Variants in ARID4A observed in about 807,000 individuals in gnomAD.
ARID4A encodes the protein AT-rich interactive domain-containing protein 4A.
A neutral mutation model predicts 148.6 loss-of-function variants in ARID4A; 39 were observed. That is an observed-to-expected ratio of 0.26 (90% CI 0.20 to 0.34). ARID4A has a LOEUF of 0.34. Ranked by LOEUF, ARID4A falls within the 10% of genes least tolerant of loss-of-function variation. ARID4A has a pLI of 1.00. For synonymous variants in ARID4A, 475 were observed against 481.2 expected (o/e 0.99, Z 0.17); for missense variants, 1,265 against 1,449.1 (o/e 0.87, Z 2.06).
At chr14:58,317,296 T>A (rs140444660) in intron 5 of ARID4A, among the ~76,000 whole-genome samples, 1,538 of 150,336 alleles carry the variant, frequency 0.01, 22 homozygotes, top group African/African-American at 0.034. Flanking sequence ...TTTTATTTTT[T>A]TTTTTTGGGA....
intron 11 of ARID4A, among the ~76,000 whole-genome samples, chr14:58,334,972 T>TA (rs1566694081): frequency 6.6e-6 from 1 of 152,176 alleles, no homozygotes; most frequent in East Asian, 1.9e-4. Context: ...CCAGAATGCT[T>TA]AGAGTTACAT....
At chr14:58,362,073 C>T (rs1369051771) in intron 19 of ARID4A, among the ~76,000 whole-genome samples, 1 of 152,062 alleles carries the variant, frequency 6.6e-6, no homozygotes, top group African/African-American at 2.4e-5. Context: ...TCCATGCATC[C>T]TAATGTGTGC....
rs2140286000 is a variant in ARID4A, at chr14:58,373,033, C to G, written c.*1044C>G. On this transcript the variant is annotated 3_prime_UTR_variant, in exon 24 of 24. Coordinates refer to ENST00000355431, the MANE Select transcript of ARID4A (RefSeq NM_002892.4). ...TGCCTGTGTTAAAGGGAGTCTGTCT[C>G]AGTCCATCAAACAGTATAGAACTAT... is the stretch of plus-strand genomic sequence containing the variant. 2 of 197,992 alleles carry G rather than the reference C, an allele frequency of 1.0e-5. No homozygotes were observed. Among genetic ancestry groups the G allele is most frequent in the South Asian group, 3.8e-4 (2 of 5,226 alleles). The allele number at this position is 197,992 out of a possible 1,614,324, so 12.3% of individuals were successfully genotyped here. A position where few individuals can be genotyped will look rare whatever the true frequency, so the allele number is the denominator to read the frequency against.
At chr14:58,342,929 TG>T (rs1245406535) in intron 11 of ARID4A, among the ~76,000 whole-genome samples, 3 of 151,736 alleles carry the variant, frequency 2.0e-5, no homozygotes, top group Non-Finnish European at 4.4e-5. Flanking sequence ...AAAAAAATAC[TG>T]GAATGAAGTT....
At chr14:58,356,987 C>G (rs1566716945) in intron 17 of ARID4A, among the ~76,000 whole-genome samples, 2 of 152,324 alleles carry the variant, frequency 1.3e-5, no homozygotes, top group African/African-American at 4.8e-5. Context: ...GCGTGAGCCA[C>G]TGCGCCCGGC....
intron 9 of ARID4A, among the ~76,000 whole-genome samples, chr14:58,329,077 T>C (rs2033376418): frequency 1.3e-5 from 2 of 152,170 alleles, no homozygotes; most frequent in South Asian, 4.1e-4. Flanking sequence ...TAAAAAAGTT[T>C]TTTGAGTTAT....
At chr14:58,330,279 C>T (rs530759310) in intron 11 of ARID4A, 110 bp downstream of exon 11, 16 of 1,431,608 alleles carry the variant, frequency 1.1e-5, no homozygotes, top group South Asian at 5.7e-5. Context: ...TGTTTCTGTC[C>T]GTTTCTAGCA....
intron 7 of ARID4A, among the ~76,000 whole-genome samples, chr14:58,319,830 A>G (rs2032738638): frequency 6.6e-6 from 1 of 151,540 alleles, no homozygotes; most frequent in South Asian, 2.1e-4. Flanking sequence ...TATAGATATG[A>G]GCCACTGCAC....
chr14:58,336,746 C>T (rs951138744), intron 11 of ARID4A, among the ~76,000 whole-genome samples: 1 of 152,112 alleles, frequency 6.6e-6, no homozygotes, highest in East Asian at 1.9e-4. Flanking sequence ...GTCCTTACAA[C>T]AGTCTATGAA....
At chr14:58,314,885 A>G (rs1406824037) in intron 5 of ARID4A, among the ~76,000 whole-genome samples, 2 of 152,188 alleles carry the variant, frequency 1.3e-5, no homozygotes, top group Non-Finnish European at 2.9e-5. Flanking sequence ...TTGGAAGGCC[A>G]AGGTGGGTGG....
chr14:58,315,051 C>T (rs977420144), intron 5 of ARID4A, among the ~76,000 whole-genome samples: 4 of 152,012 alleles, frequency 2.6e-5, no homozygotes, highest in South Asian at 2.1e-4. Flanking sequence ...TCTGGGAGGC[C>T]GAGGTTGCAG....
intron 3 of ARID4A, among the ~76,000 whole-genome samples, chr14:58,302,044 G>A (rs559849133): frequency 2.8e-4 from 42 of 152,294 alleles, no homozygotes; most frequent in African/African-American, 9.1e-4. Flanking sequence ...TTTCAAGACA[G>A]TGTAAAAAAG....
chr14:58,340,507 G>A (rs1007629296), intron 11 of ARID4A, among the ~76,000 whole-genome samples: 14 of 152,076 alleles, frequency 9.2e-5, no homozygotes, highest in Admixed American at 2.6e-4. Flanking sequence ...ACAACGCCAC[G>A]CCCAGCTAAT....
chr14:58,329,730 C>G, intron 10 of ARID4A, 126 bp downstream of exon 10: 1 of 980,674 alleles, frequency 1.0e-6, no homozygotes, highest in Non-Finnish European at 1.5e-6. Flanking sequence ...TCCACTCTTA[C>G]TTGATTTTTT....
At chr14:58,356,945 C>A (rs550695154) in intron 17 of ARID4A, among the ~76,000 whole-genome samples, 1 of 152,022 alleles carries the variant, frequency 6.6e-6, no homozygotes, top group South Asian at 2.1e-4. Context: ...TGTGATCGCC[C>A]GCCTCGGCCT....
At chr14:58,360,053 A>G (rs973412066) in intron 18 of ARID4A, among the ~76,000 whole-genome samples, 1 of 150,178 alleles carries the variant, frequency 6.7e-6, no homozygotes, top group Admixed American at 6.6e-5. Context: ...GCGACAGAGC[A>G]AGACTCCGTC....
intron 11 of ARID4A, among the ~76,000 whole-genome samples, 154 bp downstream of exon 11, chr14:58,330,323 C>T (rs2140192230): frequency 6.6e-6 from 1 of 152,208 alleles, no homozygotes; most frequent in South Asian, 2.1e-4. Flanking sequence ...AGCATTTTGG[C>T]TCATAGCATA....
chr14:58,364,308 C>G lies in ARID4A; in HGVS notation c.2219C>G (p.Ser740Cys), dbSNP rs1326851696. The G allele has an allele frequency of 2.6e-6, 4 of 1,567,120 alleles. No individual in the cohort carries two copies. The East Asian group carries it at 9.1e-5, about 36-fold the overall frequency. ...DKLDEENPKI[S>C]AHILKENDRT... is the part of the protein sequence containing the mutation. Reference sequence around the variant, plus strand: ...CTAGATGAAGAAAATCCAAAGATTTCTGCACATATATTAAAAGAAAATGAT... The same window carrying G: ...CTAGATGAAGAAAATCCAAAGATTTGTGCACATATATTAAAAGAAAATGAT... Residue 740 changes from serine (S) to cysteine (C), a missense_variant, in exon 20 of 24, where the codon TCT (serine) becomes TGT (cysteine). Physicochemically the swap from Ser to Cys is moderately radical, Grantham distance 112 (BLOSUM62 -1). Coordinates refer to ENST00000355431, the MANE Select transcript of ARID4A (RefSeq NM_002892.4).
At chr14:58,368,008 G>C (rs982053653) in intron 23 of ARID4A, among the ~76,000 whole-genome samples, 4 of 152,094 alleles carry the variant, frequency 2.6e-5, no homozygotes, top group African/African-American at 9.7e-5. Context: ...GGGATTGGTT[G>C]AAAATGGAAA....
Sources: gnomAD v4.1 joint callset for allele counts (sites outside exome capture counted in the v4.1 genomes callset) on GRCh38, gnomAD v4.1.1 for gene constraint, MANE v1.5 for transcripts, NCBI Gene and HGNC (gene_info 2026-07-23, HGNC 2026-07-21) for gene names.